The following KIZ variants were observed in gnomAD, a reference collection of about 807,000 sequenced individuals.
KIZ encodes kizuna centrosomal protein, also known as centrosomal protein kizuna.
In KIZ, 68 loss-of-function variants were observed where a neutral mutation model predicts 79.6. That is an observed-to-expected ratio of 0.85 (90% CI 0.70 to 1.05). The LOEUF (loss-of-function observed/expected upper bound fraction) is 1.05, where lower values mean the gene tolerates loss of function less well. KIZ is among the 50% of genes least tolerant of loss of function. The probability of loss-of-function intolerance (pLI) is 0.00; values close to 1 mark genes in which losing one functional copy is unlikely to be tolerated. For missense variants in KIZ, 797 were observed against 800.4 expected (o/e 1.00, Z 0.05); for synonymous variants, 280 against 281.8 (o/e 0.99, Z 0.06).
chr20:21,127,057 A>AG (rs1568897732), intron 1 of KIZ, among the ~76,000 whole-genome samples: 1 of 152,266 alleles, frequency 6.6e-6, no homozygotes, highest in East Asian at 1.9e-4. Flanking sequence ...TGTGCGTGAC[A>AG]GTGCTAAAAT....
chr20:21,232,584 C>T (rs2036869240), intron 10 of KIZ, 150 bp from the exon 11 acceptor site: 3 of 571,178 alleles, frequency 5.3e-6, no homozygotes, highest in East Asian at 2.9e-5. Flanking sequence ...CATTCTCTGC[C>T]TCAGAAGCTC....
chr20:21,202,438 T>C (rs748424433), intron 6 of KIZ: 2 of 152,184 alleles, frequency 1.3e-5, no homozygotes, highest in African/African-American at 2.4e-5. Flanking sequence ...AATGACATCA[T>C]TGCGGTACGG....
At chr20:21,188,583 C>A (rs2034978595) in intron 6 of KIZ, among the ~76,000 whole-genome samples, 1 of 151,478 alleles carries the variant, frequency 6.6e-6, no homozygotes, top group South Asian at 2.1e-4. Flanking sequence ...TGACCCTACA[C>A]CCTCCACATT....
chr20:21,145,971 T>C (rs2032823829), intron 4 of KIZ, among the ~76,000 whole-genome samples: 2 of 152,210 alleles, frequency 1.3e-5, no homozygotes, highest in South Asian at 4.1e-4. Flanking sequence ...AAATGAAAAG[T>C]AAACAAAATA....
intron 9 of KIZ, among the ~76,000 whole-genome samples, chr20:21,220,943 G>C (rs895577396): frequency 6.6e-6 from 1 of 152,160 alleles, no homozygotes; most frequent in Non-Finnish European, 1.5e-5. Context: ...GGCCTGGAGA[G>C]GTGGGCAGCA....
intron 4 of KIZ, chr20:21,158,355 A>G (rs904199716): frequency 6.6e-6 from 1 of 152,220 alleles, no homozygotes; most frequent in African/African-American, 2.4e-5. Flanking sequence ...TCTGTAAGGC[A>G]GGCTTGACCC....
At chr20:21,166,281 G>A (rs1455145940) in intron 6 of KIZ, 32 of 1,601,158 alleles carry the variant, frequency 2.0e-5, no homozygotes, top group Non-Finnish European at 2.7e-5. Context: ...TGCCAGCTGA[G>A]GTTGTCAGTA....
At chr20:21,192,591 A>C (rs2035160680) in intron 6 of KIZ, among the ~76,000 whole-genome samples, 1 of 152,204 alleles carries the variant, frequency 6.6e-6, no homozygotes, top group Admixed American at 6.5e-5. Flanking sequence ...TAAATTATGT[A>C]AGTGTAAGTT....
chr20:21,134,795 T>C (rs2032079596), intron 2 of KIZ, among the ~76,000 whole-genome samples: 2 of 151,472 alleles, frequency 1.3e-5, no homozygotes, highest in Admixed American at 1.3e-4. Flanking sequence ...GCCTCCTGAG[T>C]AGCTGGGATT....
chr20:21,232,292 A>T (rs1014429345), intron 10 of KIZ, among the ~76,000 whole-genome samples: 1 of 152,136 alleles, frequency 6.6e-6, no homozygotes, highest in African/African-American at 2.4e-5. Flanking sequence ...CCTCTGTGGG[A>T]TGGAAAATAG....
chr20:21,201,405 G>A (rs559047410), intron 6 of KIZ, among the ~76,000 whole-genome samples: 1 of 152,216 alleles, frequency 6.6e-6, no homozygotes, highest in East Asian at 1.9e-4. Context: ...TTTTCCAGGT[G>A]CAACTAATTC....
chr20:21,188,279 C>T (rs539517372), intron 6 of KIZ, among the ~76,000 whole-genome samples: 7 of 152,270 alleles, frequency 4.6e-5, no homozygotes, highest in African/African-American at 1.2e-4. Flanking sequence ...TGCACAGAGA[C>T]GCCAAGAAGA....
chr20:21,211,891 C>G (rs1391442354), intron 7 of KIZ, among the ~76,000 whole-genome samples: 1 of 152,146 alleles, frequency 6.6e-6, no homozygotes, highest in Non-Finnish European at 1.5e-5. Flanking sequence ...GAGTTCGAGA[C>G]CAGCCTGGCC....
At chr20:21,214,396 T>C (rs2036200674) in intron 7 of KIZ, 139 bp from the exon 8 acceptor site, 2 of 595,824 alleles carry the variant, frequency 3.4e-6, no homozygotes, top group Admixed American at 6.2e-5. Context: ...GACATTTTAA[T>C]TTCATTTAAA....
intron 3 of KIZ, among the ~76,000 whole-genome samples, chr20:21,141,140 A>C (rs551328429): frequency 1.6e-4 from 24 of 152,152 alleles, no homozygotes; most frequent in Non-Finnish European, 2.6e-4. Flanking sequence ...GCTTTTGTAG[A>C]GGGGGCCCCA....
chr20:21,215,673 T>G, intron 9 of KIZ, 25 bp downstream of exon 9: 1 of 1,511,398 alleles, frequency 6.6e-7, no homozygotes, highest in Non-Finnish European at 9.1e-7. Flanking sequence ...GCCTAAGAGT[T>G]TCAGACACAA....
chr20:21,128,589 G>A (rs1380473575), intron 1 of KIZ, among the ~76,000 whole-genome samples: 5 of 152,122 alleles, frequency 3.3e-5, no homozygotes, highest in South Asian at 2.1e-4. Flanking sequence ...TAATTTTATC[G>A]TCTGAATGTT....
chr20:21,211,299 G>T (rs1185809377), intron 7 of KIZ, among the ~76,000 whole-genome samples: 1 of 152,220 alleles, frequency 6.6e-6, no homozygotes, highest in Admixed American at 6.5e-5. Flanking sequence ...AAATATGGAG[G>T]TGTCAACATC....
intron 4 of KIZ, among the ~76,000 whole-genome samples, chr20:21,150,384 C>T (rs568403435): frequency 6.6e-6 from 1 of 152,326 alleles, no homozygotes; most frequent in Admixed American, 6.5e-5. Context: ...CACAGTGCCA[C>T]CTTCACCAGC....
Sources: gnomAD v4.1 joint callset for allele counts (sites outside exome capture counted in the v4.1 genomes callset) on GRCh38, gnomAD v4.1.1 for gene constraint, MANE v1.5 for transcripts, NCBI Gene and HGNC (gene_info 2026-07-23, HGNC 2026-07-21) for gene names.